The following JPH1 variants were observed in gnomAD, a reference collection of about 807,000 sequenced individuals.
JPH1 encodes junctophilin 1, also known as junctophilin-1.
A neutral mutation model predicts 53.6 loss-of-function variants in JPH1; 12 were observed. The observed-to-expected ratio is 0.22, with a 90% CI of 0.14 to 0.36. The LOEUF (loss-of-function observed/expected upper bound fraction) is 0.36, where lower values mean the gene tolerates loss of function less well. Ranked by LOEUF, JPH1 falls within the 10% of genes least tolerant of loss-of-function variation. The probability of loss-of-function intolerance (pLI) is 1.00; values close to 1 mark genes in which losing one functional copy is unlikely to be tolerated. For synonymous variants in JPH1, 375 were observed against 363.8 expected (o/e 1.03, Z -0.35); for missense variants, 808 against 905.5 (o/e 0.89, Z 1.38).
At chr8:74,283,305 T>C (rs1477594630) in intron 2 of JPH1, among the ~76,000 whole-genome samples, 21 of 152,010 alleles carry the variant, frequency 1.4e-4, no homozygotes, top group African/African-American at 7.2e-5. Flanking sequence ...CTGTGTGGCA[T>C]AGTGTCATTT....
At chr8:74,274,835 C>T (rs6995798) in intron 2 of JPH1, among the ~76,000 whole-genome samples, 2 of 152,162 alleles carry the variant, frequency 1.3e-5, no homozygotes, top group South Asian at 4.2e-4. Context: ...GCCTAAAGAC[C>T]TAACACACAT....
At chr8:74,237,444 T>A in intron 4 of JPH1, 141 bp from the exon 5 acceptor site, 1 of 653,034 alleles carries the variant, frequency 1.5e-6, no homozygotes. Flanking sequence ...TTCGGAAAGG[T>A]GTAGACTAAA....
intron 2 of JPH1, among the ~76,000 whole-genome samples, chr8:74,291,002 A>G (rs929764113): frequency 3.0e-4 from 45 of 152,354 alleles, no homozygotes; most frequent in African/African-American, 1.1e-3. Flanking sequence ...AAAGACTTAC[A>G]TGTTAGACCT....
At chr8:74,261,821 C>A (rs1806404986) in intron 2 of JPH1, among the ~76,000 whole-genome samples, 1 of 152,046 alleles carries the variant, frequency 6.6e-6, no homozygotes, top group African/African-American at 2.4e-5. Context: ...ATCTATTAGC[C>A]CTTTAATGAT....
chr8:74,260,423 C>T (rs969903085), intron 2 of JPH1, among the ~76,000 whole-genome samples: 1 of 152,188 alleles, frequency 6.6e-6, no homozygotes, highest in African/African-American at 2.4e-5. Flanking sequence ...TCTGGTTTAT[C>T]TGCTCTGCAA....
chr8:74,253,559 A>G (rs1252348691), intron 3 of JPH1, among the ~76,000 whole-genome samples: 2 of 152,156 alleles, frequency 1.3e-5, no homozygotes, highest in East Asian at 3.8e-4. Context: ...GAACTGAAGG[A>G]AATAGAGACA....
At chr8:74,319,575 G>T (rs777716458) in intron 1 of JPH1, among the ~76,000 whole-genome samples, 1 of 152,218 alleles carries the variant, frequency 6.6e-6, no homozygotes, top group Non-Finnish European at 1.5e-5. Flanking sequence ...AGGATGAAAA[G>T]ATGTCCTTTT....
rs1808117277 is a variant in JPH1, at chr8:74,315,367, G to A, written c.633C>T (p.Leu211=). The change falls in exon 2 of 6, where the codon CTC becomes CTT. Residue 211 remains leucine, a synonymous_variant. Coordinates refer to ENST00000342232, the MANE Select transcript of JPH1 (RefSeq NM_020647.4). This position sits in a 1 kb window ranked among gnomAD's most constrained non-coding sequence, Gnocchi z 6.3. The part of the protein sequence containing the change: ...AELAGKKKGG[L]FRRGSLLGSM... ...TTCCAAGAAGGGAGCCCCTCCGGAA[G>A]AGGCCGCCCTTCTTCTTGCCCGCTA... The A allele has an allele frequency of 3.1e-6, 5 of 1,612,814 alleles. No individual in the cohort carries two copies. The highest frequency in any genetic ancestry group is 2.2e-5 in the East Asian group (1 of 44,870).
intron 2 of JPH1, among the ~76,000 whole-genome samples, chr8:74,297,701 T>C (rs1402020490): frequency 6.6e-6 from 1 of 152,172 alleles, no homozygotes; most frequent in African/African-American, 2.4e-5. Flanking sequence ...TGCACACAAC[T>C]AATAAAAACT....
intron 2 of JPH1, among the ~76,000 whole-genome samples, chr8:74,295,976 T>C (rs377706043): frequency 7.4e-6 from 1 of 135,052 alleles, no homozygotes; most frequent in South Asian, 2.5e-4. Context: ...TAATCACCAT[T>C]TCCACGAAAG....
Position 74,315,061 on chromosome 8 carries a change from C to T in JPH1, c.939G>A (p.Arg313=). 6.2e-7 allele frequency: 1 copy of T among 1,614,186 alleles called. No individual in the cohort carries two copies. The highest frequency in any genetic ancestry group is 8.5e-7 in the Non-Finnish European group (1 of 1,180,026). Residue 313 remains arginine (R), a synonymous_variant, in exon 2 of 6, where the codon AGG becomes AGA. Transcript: ENST00000342232. The surrounding 1 kb of genome is among the most constrained non-coding windows in gnomAD (Gnocchi z 6.3). ...GAAACACGGTACAGCCATATCCATG[C>T]CTCTTGTTATTTGCCCACTCCCCTT... ...KYEGEWANNK[R]HGYGCTVFPD...
intron 2 of JPH1, among the ~76,000 whole-genome samples, chr8:74,294,732 TAC>T (rs1042084015): frequency 6.6e-6 from 1 of 152,248 alleles, no homozygotes; most frequent in African/African-American, 2.4e-5. Context: ...GTACTTGCTT[TAC>T]ACAGAGCAGG....
intron 2 of JPH1, among the ~76,000 whole-genome samples, chr8:74,276,272 A>G (rs1586752173): frequency 6.6e-6 from 1 of 152,216 alleles, no homozygotes; most frequent in Non-Finnish European, 1.5e-5. Context: ...AGATGTCTAC[A>G]CTAGCCATAG....
In JPH1 at chr8:74,244,649, C is replaced by T. The variant is rs1345084314; in HGVS notation, c.1785G>A (p.Val595=). 4 of 1,614,218 alleles carry T rather than the reference C, an allele frequency of 2.5e-6. No homozygotes were observed. The highest frequency in any genetic ancestry group is 1.1e-5 in the South Asian group (1 of 91,082). ...TGCTTTCTTTGGCAACTGGTTTTGT[C>T]ACAGATTTGGAGGGACTCCACTTGT... The part of the protein sequence containing the change: ...SANKWSPSKS[V]TKPVAKESKA... Residue 595 remains valine, a synonymous_variant, in exon 4 of 6, where the codon GTG becomes GTA. Coordinates refer to ENST00000342232, the MANE Select transcript of JPH1 (RefSeq NM_020647.4).
intron 2 of JPH1, among the ~76,000 whole-genome samples, chr8:74,314,246 T>C (rs771052906): frequency 2.0e-5 from 3 of 152,248 alleles, no homozygotes; most frequent in Non-Finnish European, 2.9e-5. Flanking sequence ...GCCTTTCCCA[T>C]GTAGCTGTTG....
intron 2 of JPH1, among the ~76,000 whole-genome samples, chr8:74,259,828 C>A (rs1255981878): frequency 6.6e-6 from 1 of 152,164 alleles, no homozygotes; most frequent in Non-Finnish European, 1.5e-5. Flanking sequence ...CTCCCCCCCA[C>A]CTAAAATTAT....
rs559779993 is a variant in JPH1 at position 74,277,486 on chromosome 8, C to A, written c.1140-17983G>T. On this transcript the variant is annotated intron_variant, in intron 2 of 5. Coordinates refer to ENST00000342232, the MANE Select transcript of JPH1 (RefSeq NM_020647.4). ...ACTTCAGAAGTGGCAAACTCAAAGT[C>A]CCTCTTACATCATATTGGAACACAG... 5.2e-4 allele frequency among the ~76,000 whole-genome samples: 79 copies of A among 152,320 alleles called. No homozygotes were observed. The South Asian group carries it at 0.016, about 31-fold the overall frequency.
At chr8:74,305,367 T>G (rs1807802412) in intron 2 of JPH1, among the ~76,000 whole-genome samples, 1 of 152,218 alleles carries the variant, frequency 6.6e-6, no homozygotes, top group African/African-American at 2.4e-5. Context: ...TTTCTCCAGG[T>G]CAAAGCTGAA....
Position 74,315,180 on chromosome 8 carries a change from C to T in JPH1, c.820G>A (p.Asp274Asn). The T allele has an allele frequency of 6.2e-7, 1 of 1,614,210 alleles. No individual in the cohort carries two copies. Among genetic ancestry groups the T allele is most frequent in the Non-Finnish European group, 8.5e-7 (1 of 1,180,038 alleles). ...CDFCPVEDHVDATTTETYMGE... is the reference protein window; with the variant it reads ...CDFCPVEDHVNATTTETYMGE... ...ATGTAGGTTTCCGTGGTGGTGGCGT[C>T]CACGTGGTCTTCCACCGGGCAAAAA... The change falls in exon 2 of 6, where the codon GAC becomes AAC. Residue 274 changes from aspartate (D) to asparagine (N), a missense_variant. Transcript: ENST00000342232. This position sits in a 1 kb window ranked among gnomAD's most constrained non-coding sequence, Gnocchi z 6.3.
Sources: allele counts gnomAD v4.1 joint callset (sites outside exome capture counted in the v4.1 genomes callset), GRCh38; gene constraint gnomAD v4.1.1; non-coding constraint Gnocchi (gnomAD v3.1); transcripts MANE v1.5; gene names NCBI Gene and HGNC (gene_info 2026-07-23, HGNC 2026-07-21).